The following TRDN variants were observed in gnomAD, a reference collection of about 807,000 sequenced individuals.
TRDN encodes the protein triadin in skeletal muscle.
TRDN carries 161 observed loss-of-function variants against 149.7 expected under a neutral mutation model. That is an observed-to-expected ratio of 1.08 (90% CI 0.95 to 1.23). The LOEUF is 1.23. TRDN is among the 50% of genes most tolerant of loss of function. TRDN has a pLI of 0.00. For synonymous variants in TRDN, 294 were observed against 250.5 expected (o/e 1.17, Z -1.64); for missense variants, 896 against 823.5 (o/e 1.09, Z -1.08).
At chr6:123,352,118 A>G in intron 21 of TRDN, 2 of 983,552 alleles carry the variant, frequency 2.0e-6, no homozygotes, top group Non-Finnish European at 2.4e-6. Context: ...TTTAACTTTT[A>G]CATATTTTTT....
At chr6:123,431,948 T>C (rs2114573628) in intron 12 of TRDN, among the ~76,000 whole-genome samples, 1 of 152,262 alleles carries the variant, frequency 6.6e-6, no homozygotes, top group Non-Finnish European at 1.5e-5. Context: ...AAAGCAGATT[T>C]TGTAGAGAGA....
At chr6:123,567,695 T>C (rs1288463578) in intron 2 of TRDN, among the ~76,000 whole-genome samples, 4 of 152,170 alleles carry the variant, frequency 2.6e-5, no homozygotes, top group African/African-American at 9.7e-5. Context: ...TCATTCACTA[T>C]TGTGAGGAAA....
chr6:123,549,762 A>C (rs780043210), intron 2 of TRDN, among the ~76,000 whole-genome samples: 25 of 152,038 alleles, frequency 1.6e-4, no homozygotes, highest in Non-Finnish European at 2.4e-4. Context: ...CATGATTTCT[A>C]TCAGGGTGGT....
intron 1 of TRDN, among the ~76,000 whole-genome samples, chr6:123,616,018 T>C (rs1785063193): frequency 6.6e-6 from 1 of 152,130 alleles, no homozygotes; most frequent in South Asian, 2.1e-4. Flanking sequence ...AACTCATATA[T>C]ATGTGTCAGT....
chr6:123,227,006 C>T (rs1775400078), intron 38 of TRDN, among the ~76,000 whole-genome samples: 1 of 151,810 alleles, frequency 6.6e-6, no homozygotes, highest in African/African-American at 2.4e-5. Flanking sequence ...CAGAGATATT[C>T]AGGGAGTAGA....
At chr6:123,359,598 T>G (rs1192868088) in intron 20 of TRDN, among the ~76,000 whole-genome samples, 1 of 152,108 alleles carries the variant, frequency 6.6e-6, no homozygotes, top group Non-Finnish European at 1.5e-5. Flanking sequence ...TGGCTACAAA[T>G]AAGAGAAAAT....
At chr6:123,613,613 AGAT>A (rs1273034811) in intron 1 of TRDN, among the ~76,000 whole-genome samples, 1 of 152,210 alleles carries the variant, frequency 6.6e-6, no homozygotes, top group Non-Finnish European at 1.5e-5. Context: ...ACAAGACACC[AGAT>A]GATATTCAGT....
At chr6:123,410,550 G>A (rs1352013066) in intron 12 of TRDN, among the ~76,000 whole-genome samples, 3 of 151,988 alleles carry the variant, frequency 2.0e-5, no homozygotes, top group Non-Finnish European at 4.4e-5. Flanking sequence ...TATATTTATT[G>A]TGTATCCACA....
chr6:123,519,920 G>T (rs899590289), intron 5 of TRDN, among the ~76,000 whole-genome samples: 1 of 151,898 alleles, frequency 6.6e-6, no homozygotes. Context: ...ACTTTAAGTA[G>T]GTGAACATTT....
chr6:123,399,566 A>G (rs1223367221), intron 12 of TRDN, among the ~76,000 whole-genome samples: 1 of 152,202 alleles, frequency 6.6e-6, no homozygotes, highest in East Asian at 1.9e-4. Context: ...AATACCATGG[A>G]AGATATGAAG....
At chr6:123,350,632 T>C in intron 21 of TRDN, 1 of 760,730 alleles carries the variant, frequency 1.3e-6, no homozygotes. Flanking sequence ...GCACAAAATA[T>C]CTATTTTTTG....
At chr6:123,596,328 G>A (rs150723114) in intron 1 of TRDN, among the ~76,000 whole-genome samples, 3 of 152,160 alleles carry the variant, frequency 2.0e-5, no homozygotes, top group African/African-American at 7.2e-5. Context: ...GGTAGCAGAG[G>A]TTGGTTTATG....
At chr6:123,537,788 G>A (rs1780624544) in intron 4 of TRDN, among the ~76,000 whole-genome samples, 1 of 152,154 alleles carries the variant, frequency 6.6e-6, no homozygotes, top group Non-Finnish European at 1.5e-5. Context: ...TTGTATCAGT[G>A]ATTCCTGTGA....
chr6:123,506,332 A>C (rs540193622), intron 7 of TRDN, among the ~76,000 whole-genome samples: 22 of 152,152 alleles, frequency 1.4e-4, no homozygotes, highest in African/African-American at 5.3e-4. Context: ...ATGTTACAGC[A>C]CTTTTCCAAA....
At chr6:123,580,854 A>C (rs890083048) in intron 1 of TRDN, among the ~76,000 whole-genome samples, 2 of 152,206 alleles carry the variant, frequency 1.3e-5, no homozygotes, top group African/African-American at 4.8e-5. Flanking sequence ...CACAGTTTGC[A>C]CTTGAAGAAA....
At chr6:123,319,126 T>C (rs943806305) in intron 23 of TRDN, among the ~76,000 whole-genome samples, 1 of 152,090 alleles carries the variant, frequency 6.6e-6, no homozygotes, top group Non-Finnish European at 1.5e-5. Flanking sequence ...AATGTAAAAT[T>C]GATGTGAGAA....
chr6:123,221,533 A>T lies in TRDN; in HGVS notation c.2015-11T>A. 6.5e-7 allele frequency: 1 copy of T among 1,547,972 alleles called. No individual in the cohort carries two copies. Among genetic ancestry groups the T allele is most frequent in the South Asian group, 1.2e-5 (1 of 86,834 alleles). ...CATCTTCAGTTCCTTCTAGTGGATA[A>T]AAAATATAAAAGTAAATAACTTGTA... On this transcript the variant is annotated splice_polypyrimidine_tract_variant and intron_variant, in intron 39 of 40. Transcript: ENST00000334268.
At chr6:123,231,230 A>G (rs913335940) in intron 38 of TRDN, among the ~76,000 whole-genome samples, 1 of 151,984 alleles carries the variant, frequency 6.6e-6, no homozygotes, top group African/African-American at 2.4e-5. Context: ...CCATATAGAG[A>G]AAATGAAAAA....
chr6:123,512,775 T>C (rs976175127), intron 6 of TRDN, among the ~76,000 whole-genome samples: 4 of 149,630 alleles, frequency 2.7e-5, no homozygotes, highest in African/African-American at 1.0e-4. Context: ...AATATTTACA[T>C]ACTATTTTTT....
Sources: gnomAD v4.1 joint callset for allele counts (sites outside exome capture counted in the v4.1 genomes callset) on GRCh38, gnomAD v4.1.1 for gene constraint, MANE v1.5 for transcripts, NCBI Gene and HGNC (gene_info 2026-07-23, HGNC 2026-07-21) for gene names.